METTL25: variants seen among roughly 807,000 people sequenced by gnomAD.
METTL25 encodes the protein probable methyltransferase-like protein 25.
METTL25 carries 64 observed loss-of-function variants against 71.6 expected under a neutral mutation model. The ratio of observed to expected loss-of-function variants is 0.89; its 90% CI spans 0.73 to 1.10. METTL25 has a LOEUF of 1.10. Among genes scored for constraint, METTL25 ranks in the 50% least tolerant of loss-of-function variants. The pLI is 0.00. For synonymous variants in METTL25, 287 were observed against 250.3 expected (o/e 1.15, Z -1.38); for missense variants, 807 against 707.0 (o/e 1.14, Z -1.60).
intron 1 of METTL25, among the ~76,000 whole-genome samples, chr12:82,385,315 G>T (rs1007942477): frequency 9.2e-5 from 14 of 152,006 alleles, no homozygotes; most frequent in Middle Eastern, 3.4e-3. Context: ...TATTTTTTGT[G>T]TTTAAGAATT....
At chr12:82,447,109 A>ATAAATAAATAAATAAAATTG (rs1185516313) in intron 8 of METTL25, among the ~76,000 whole-genome samples, 19 of 152,134 alleles carry the variant, frequency 1.2e-4, no homozygotes, top group Non-Finnish European at 2.6e-4. Context: ...AGAAATAATC[A>ATAAATAAATAAATAAAATTG]AGATCAGAGC....
At chr12:82,441,806 A>AACACACATAC (rs1890360914) in intron 8 of METTL25, among the ~76,000 whole-genome samples, 2 of 133,986 alleles carry the variant, frequency 1.5e-5, no homozygotes, top group South Asian at 4.7e-4. Flanking sequence ...AAAAAATAGA[A>AACACACATAC]ACACACACAC....
At chr12:82,467,452 C>G (rs1892304589) in intron 9 of METTL25, among the ~76,000 whole-genome samples, 1 of 151,966 alleles carries the variant, frequency 6.6e-6, no homozygotes, top group Admixed American at 6.6e-5. Context: ...CTTTTAAAGG[C>G]CAGTCTAAGG....
intron 1 of METTL25, among the ~76,000 whole-genome samples, chr12:82,372,986 G>T (rs188256373): frequency 6.6e-6 from 1 of 152,138 alleles, no homozygotes; most frequent in Non-Finnish European, 1.5e-5. Flanking sequence ...AAGGAGGACC[G>T]AGGAAGGTCG....
At chr12:82,440,905 G>A (rs1890271168) in intron 8 of METTL25, among the ~76,000 whole-genome samples, 1 of 152,006 alleles carries the variant, frequency 6.6e-6, no homozygotes, top group African/African-American at 2.4e-5. Context: ...TTCAACAGAA[G>A]TAAACCCAGC....
rs190335664 is a variant in METTL25, at chr12:82,399,375, A to G, written c.1112A>G (p.Asp371Gly). 67 of 1,575,542 alleles carry G rather than the reference A, an allele frequency of 4.3e-5. No homozygotes were observed. In the African/African-American group the frequency reaches 7.8e-4, roughly 18 times the overall value. The change falls in exon 4 of 12, where the codon GAC becomes GGC. Residue 371 changes from aspartate to glycine, a missense_variant. Physicochemically the swap from Asp to Gly is moderately conservative, Grantham distance 94. Transcript: ENST00000248306. Reference protein sequence around the residue: ...SFITADSELHDIIKDLEDCLM... With the variant: ...SFITADSELHGIIKDLEDCLM... ...ATCACTGCTGATTCAGAACTCCATG[A>G]CATTATTAAAGATTTGGAGGTGACT... is the stretch of plus-strand genomic sequence containing the variant.
intron 9 of METTL25, among the ~76,000 whole-genome samples, chr12:82,457,431 A>G (rs1243798357): frequency 6.6e-6 from 1 of 152,002 alleles, no homozygotes; most frequent in African/African-American, 2.4e-5. Context: ...ATTGAAACGA[A>G]GAATAGAGTA....
At chr12:82,415,710 A>C (rs978060040) in intron 5 of METTL25, among the ~76,000 whole-genome samples, 1 of 152,102 alleles carries the variant, frequency 6.6e-6, no homozygotes, top group African/African-American at 2.4e-5. Context: ...TTTTTGTCCT[A>C]CTCAGACCCT....
chr12:82,425,076 TAGATA>T (rs1294524682), intron 5 of METTL25, among the ~76,000 whole-genome samples: 1 of 152,058 alleles, frequency 6.6e-6, no homozygotes, highest in Non-Finnish European at 1.5e-5. Context: ...TATTACGGTA[TAGATA>T]AGATATCCTA....
chr12:82,388,644 C>T (rs1885279017), intron 2 of METTL25, among the ~76,000 whole-genome samples: 1 of 152,018 alleles, frequency 6.6e-6, no homozygotes, highest in African/African-American at 2.4e-5. Flanking sequence ...TAGGCAAGAA[C>T]AAACAGCAAA....
intron 8 of METTL25, among the ~76,000 whole-genome samples, chr12:82,445,347 T>A (rs1890662300): frequency 6.6e-6 from 1 of 152,310 alleles, no homozygotes; most frequent in Admixed American, 6.5e-5. Context: ...GTGGCACTAT[T>A]CACAGTCAAG....
intron 1 of METTL25, among the ~76,000 whole-genome samples, chr12:82,363,821 A>T (rs1400927586): frequency 6.6e-6 from 1 of 152,034 alleles, no homozygotes; most frequent in Non-Finnish European, 1.5e-5. Flanking sequence ...ATGATGAAAG[A>T]ATTGAAGGAT....
chr12:82,407,478 G>A (rs1056071578), intron 5 of METTL25, among the ~76,000 whole-genome samples: 4 of 152,136 alleles, frequency 2.6e-5, no homozygotes, highest in Non-Finnish European at 5.9e-5. Flanking sequence ...AGGCCTTCCT[G>A]TCAAAAATAT....
At chr12:82,460,701 T>C (rs1247770674) in intron 9 of METTL25, among the ~76,000 whole-genome samples, 1 of 152,140 alleles carries the variant, frequency 6.6e-6, no homozygotes, top group African/African-American at 2.4e-5. Flanking sequence ...TGAGAAACTG[T>C]CAAAGCCAAG....
At chr12:82,370,358 C>A (rs764312526) in intron 1 of METTL25, among the ~76,000 whole-genome samples, 5 of 152,104 alleles carry the variant, frequency 3.3e-5, no homozygotes, top group Non-Finnish European at 7.4e-5. Context: ...AGATGGCTGC[C>A]ACGGGACCTA....
intron 5 of METTL25, among the ~76,000 whole-genome samples, chr12:82,422,885 C>G (rs1181374627): frequency 6.6e-6 from 1 of 151,976 alleles, no homozygotes; most frequent in East Asian, 1.9e-4. Context: ...CACTGCTCAA[C>G]AAAATAAAAG....
At chr12:82,426,704 T>C (rs1462830686) in intron 5 of METTL25, among the ~76,000 whole-genome samples, 1 of 151,996 alleles carries the variant, frequency 6.6e-6, no homozygotes, top group Non-Finnish European at 1.5e-5. Flanking sequence ...ACTTCTCCAA[T>C]CACAGCCCCA....
At chr12:82,440,956 G>A (rs1373380066) in intron 8 of METTL25, among the ~76,000 whole-genome samples, 1 of 151,942 alleles carries the variant, frequency 6.6e-6, no homozygotes, top group South Asian at 2.1e-4. Context: ...TGTCAGTTCT[G>A]GAATAGGCAA....
intron 1 of METTL25, chr12:82,369,519 A>C (rs4882541): frequency 2.2e-6 from 1 of 447,298 alleles, no homozygotes; most frequent in Admixed American, 2.4e-5. Context: ...TGGTGGGTTC[A>C]TGGTCCTGCT....
Sources: allele counts gnomAD v4.1 joint callset (sites outside exome capture counted in the v4.1 genomes callset), GRCh38; gene constraint gnomAD v4.1.1; transcripts MANE v1.5; gene names NCBI Gene and HGNC (gene_info 2026-07-23, HGNC 2026-07-21).